The following ADAM8 variants were observed in gnomAD, a reference collection of about 807,000 sequenced individuals.
ADAM8 encodes the protein ADAM metallopeptidase domain 8.
Under a neutral mutation model 102.4 loss-of-function variants are expected in ADAM8, and 104 were observed. That is an observed-to-expected ratio of 1.02 (90% CI 0.87 to 1.20). ADAM8 has a LOEUF of 1.20. Among genes scored for constraint, ADAM8 ranks in the 50% most tolerant of loss-of-function variants. The pLI, the probability that ADAM8 is intolerant of heterozygous loss-of-function variation, is 0.00. For synonymous variants in ADAM8, 517 were observed against 485.2 expected (o/e 1.07, Z -0.86); for missense variants, 1,132 against 1,159.0 (o/e 0.98, Z 0.34).
chr10:133,269,988 G>A lies in ADAM8; in HGVS notation c.1786-14C>T. On this transcript the variant is annotated splice_polypyrimidine_tract_variant and intron_variant, in intron 16 of 22. Transcript: ENST00000445355. ...TTTCCAGCAAACCTGGGGGTAGGAG[G>A]CGTCTCTCAGGCAGCCGCTCTGGAC... 1 of 1,612,262 alleles carries A rather than the reference G, an allele frequency of 6.2e-7. No homozygotes were observed. The highest frequency in any genetic ancestry group is 1.1e-5 in the South Asian group (1 of 91,082).
At chr10:133,268,241 T>C (rs1846394267) in intron 19 of ADAM8, 123 bp from the exon 20 acceptor site, 2 of 927,844 alleles carry the variant, frequency 2.2e-6, no homozygotes. Flanking sequence ...GTTGTGGCCA[T>C]GAGAGACAGA....
intron 3 of ADAM8, 36 bp from the exon 4 acceptor site, chr10:133,274,065 C>A (rs761364786): frequency 1.3e-6 from 2 of 1,594,438 alleles, no homozygotes; most frequent in Admixed American, 1.8e-5. Flanking sequence ...TCGGCCCCCT[C>A]GGTGCAGAGA....
At chr10:133,275,693 C>T (rs527526992) in intron 1 of ADAM8, 106 bp from the exon 2 acceptor site, 1 of 605,412 alleles carries the variant, frequency 1.7e-6, no homozygotes, top group African/African-American at 1.9e-5. Context: ...TGACCCTCCC[C>T]TGGGGAACTC....
rs776495274 is a variant in ADAM8 at position 133,271,675 on chromosome 10, G to A, written c.1137C>T (p.Cys379=). ...GSSFPRMFSD[C]SQAYLESFLE... The stretch of plus-strand genomic sequence containing the variant: ...AAAAGCTCTCCAGGTAGGCCTGGCT[G>A]CAGTCACTGAACATCCTGGGGAAAC... Residue 379 remains cysteine, a synonymous_variant, in exon 12 of 23, where the codon TGC becomes TGT. Coordinates refer to ENST00000445355, the MANE Select transcript of ADAM8 (RefSeq NM_001109.5). The A allele has an allele frequency of 7.9e-5, 124 of 1,570,854 alleles. No homozygotes were observed. The highest frequency in any genetic ancestry group is 1.0e-4 in the Non-Finnish European group (119 of 1,158,084).
At chr10:133,271,362 C>T in intron 12 of ADAM8, 73 bp from the exon 13 acceptor site, 1 of 1,532,556 alleles carries the variant, frequency 6.5e-7, no homozygotes. Flanking sequence ...CTGGCCGCCT[C>T]CCCTGACCAC....
At chr10:133,270,061 G>T in intron 16 of ADAM8, 87 bp from the exon 17 acceptor site, 1 of 1,449,414 alleles carries the variant, frequency 6.9e-7, no homozygotes, top group Non-Finnish European at 9.6e-7. Flanking sequence ...GCTGGGGGTG[G>T]GCTGTGGTCA....
Position 133,271,876 on chromosome 10 carries a change from C to T in ADAM8, c.1036G>A (p.Glu346Lys). ...TGGCAGCGGCAGCCCTGGACGTTCT[C>T]ATCATGGTCCATGCCCAGGTTGTGG... ...MGHNLGMDHD[E>K]NVQGCRCQER... Residue 346 changes from glutamate (E) to lysine (K), a missense_variant, in exon 11 of 23, where the codon GAG becomes AAG. Glu to Lys is a moderately conservative substitution (Grantham distance 56). Coordinates refer to ENST00000445355, the MANE Select transcript of ADAM8 (RefSeq NM_001109.5). The T allele has an allele frequency of 6.2e-7, 1 of 1,612,750 alleles. No homozygotes were observed. The highest frequency in any genetic ancestry group is 8.5e-7 in the Non-Finnish European group (1 of 1,179,962).
chr10:133,273,431 C>G lies in ADAM8; in HGVS notation c.396G>C (p.Gln132His), dbSNP rs201439867. The G allele has an allele frequency of 6.0e-4, 923 of 1,540,670 alleles. 2 individuals carry two copies. The African/African-American group carries it at 7.6e-3, about 13-fold the overall frequency. ...CGATCAGGTGCAGGTCTGACCCCAC[C>G]TGGAAGAAACCCCTGAGGGGAGTGG... is the stretch of plus-strand genomic sequence containing the variant. ...STCAGLRGFF[Q>H]VGSDLHLIEP... The change falls in exon 6 of 23, where the codon CAG becomes CAC. Residue 132 changes from glutamine to histidine, a missense_variant. Gln to His is a conservative substitution (Grantham distance 24). Transcript: ENST00000445355.
chr10:133,270,446 T>G lies in ADAM8; in HGVS notation c.1699A>C (p.Ile567Leu). The change falls in exon 16 of 23, where the codon ATC becomes CTC. Residue 567 changes from isoleucine (I) to leucine (L), a missense_variant. By Grantham distance (5) the Ile-to-Leu change is conservative. Transcript: ENST00000445355. ...GTGAGCGCGTGGCACACATCCACGA[T>G]GCAGATGGCACGCCCCAGGGGCTGC... ...GQQPLGRAIC[I>L]VDVCHALTTE... is the part of the protein sequence containing the mutation. 2 of 1,606,320 alleles carry G rather than the reference T, an allele frequency of 1.2e-6. No homozygotes were observed. Among genetic ancestry groups the G allele is most frequent in the Middle Eastern group, 1.7e-4 (1 of 5,896 alleles).
At position 133,273,364 on chromosome 10, in the gene ADAM8, A is replaced by G; in HGVS notation, c.463T>C (p.Tyr155His). Residue 155 changes from tyrosine to histidine, a missense_variant, in exon 6 of 23, where the codon TAC becomes CAC. Physicochemically the swap from Tyr to His is moderately conservative, Grantham distance 83 (BLOSUM62 2). Coordinates refer to ENST00000445355, the MANE Select transcript of ADAM8 (RefSeq NM_001109.5). ...GTCTGCAGCAGGTGCTCAGCCTGGT[A>G]CACGGCGTGCCGTCCGCCCTCGCCA... ...EGGEGGRHAV[Y>H]QAEHLLQTAG... 6.4e-7 allele frequency: 1 copy of G among 1,558,094 alleles called. No individual in the cohort carries two copies.
At chr10:133,272,128 G>C in intron 10 of ADAM8, 65 bp downstream of exon 10, 3 of 1,518,256 alleles carry the variant, frequency 2.0e-6, no homozygotes, top group Non-Finnish European at 2.7e-6. Context: ...GACCTGGACC[G>C]AGGCGTCCCC....
chr10:133,274,633 C>T (rs1033842325), intron 2 of ADAM8, among the ~76,000 whole-genome samples: 12 of 152,124 alleles, frequency 7.9e-5, no homozygotes, highest in South Asian at 6.2e-4. Context: ...CATCTGACCA[C>T]GCATGGGTAA....
At chr10:133,269,740 G>A (rs113940528) in intron 17 of ADAM8, among the ~76,000 whole-genome samples, 157 bp downstream of exon 17, 96 of 152,316 alleles carry the variant, frequency 6.3e-4, no homozygotes, top group Middle Eastern at 3.4e-3. Flanking sequence ...CACCCAGGCC[G>A]GGCCTCAGCC....
chr10:133,270,264 C>T (rs904361673), intron 16 of ADAM8, 96 bp downstream of exon 16: 31 of 1,467,404 alleles, frequency 2.1e-5, no homozygotes, highest in Non-Finnish European at 2.7e-5. Flanking sequence ...CCCATGGCCT[C>T]GAGCAGCTGC....
Position 133,273,456 on chromosome 10 carries a change from G to C in ADAM8, c.384-13C>G. 6.5e-7 allele frequency: 1 copy of C among 1,527,080 alleles called. No homozygotes were observed. Among genetic ancestry groups the C allele is most frequent in the African/African-American group, 1.4e-5 (1 of 72,534 alleles). The allele number at this position is 1,527,080 out of a possible 1,614,324, so 94.6% of individuals were successfully genotyped here. Reference sequence around the variant, plus strand: ...CTGGAAGAAACCCCTGAGGGGAGTGGGAGCCGGGTGTGCTGTGGGCTTCAG... The same window carrying C: ...CTGGAAGAAACCCCTGAGGGGAGTGCGAGCCGGGTGTGCTGTGGGCTTCAG... On this transcript the variant is annotated splice_polypyrimidine_tract_variant and intron_variant, in intron 5 of 22. Transcript: ENST00000445355.
rs530365777 is a variant in ADAM8, at chr10:133,271,307, G to T, written c.1285-18C>A. ...CGGCAGTCCTGGGGCGACGGCAAAGGCCTTGGCAGGCTGCACTGGGGCCGG... is the reference window on the plus strand; with the variant it reads ...CGGCAGTCCTGGGGCGACGGCAAAGTCCTTGGCAGGCTGCACTGGGGCCGG... On this transcript the variant is annotated intron_variant, in intron 12 of 22. Transcript: ENST00000445355. 1.7e-5 allele frequency: 27 copies of T among 1,604,640 alleles called. No individual in the cohort carries two copies. The East Asian group carries it at 6.1e-4, about 36-fold the overall frequency.
chr10:133,275,645 G>A, intron 1 of ADAM8, 58 bp from the exon 2 acceptor site: 1 of 887,698 alleles, frequency 1.1e-6, no homozygotes, highest in Non-Finnish European at 1.6e-6. Context: ...CCTTCCCAGA[G>A]GCCTCCTGGG....
At chr10:133,275,949 C>CGTTTCCAT (rs1846735936) in intron 1 of ADAM8, 1 of 222,896 alleles carries the variant, frequency 4.5e-6, no homozygotes, top group Admixed American at 5.8e-5. Context: ...CCGACCTGCC[C>CGTTTCCAT]GTTTCCATTC....
Position 133,262,538 on chromosome 10 carries a change from C to T in ADAM8, c.*618G>A, listed in dbSNP as rs1846195234. Reference sequence around the variant, plus strand: ...AGAAAACCAGACAAGATAGCTGACTCTCCCACATAGCCCTTTCCATAAAGG... The same window carrying T: ...AGAAAACCAGACAAGATAGCTGACTTTCCCACATAGCCCTTTCCATAAAGG... On this transcript the variant is annotated 3_prime_UTR_variant, in exon 23 of 23. Transcript: ENST00000445355. The T allele has an allele frequency of 6.6e-6, 1 of 152,570 alleles. No homozygotes were observed. Among genetic ancestry groups the T allele is most frequent in the Non-Finnish European group, 1.5e-5 (1 of 68,200 alleles). The allele number at this position is 152,570 out of a possible 1,614,324, so 9.5% of individuals were successfully genotyped here.
Sources: allele counts gnomAD v4.1 joint callset (sites outside exome capture counted in the v4.1 genomes callset), GRCh38; gene constraint gnomAD v4.1.1; transcripts MANE v1.5; gene names NCBI Gene and HGNC (gene_info 2026-07-23, HGNC 2026-07-21).